The following LINGO1 variants were observed in gnomAD, a reference collection of about 807,000 sequenced individuals.
LINGO1 encodes leucine-rich repeat and immunoglobulin-like domain-containing nogo receptor-interacting protein 1.
Under a neutral mutation model 37.3 loss-of-function variants are expected in LINGO1, and 11 were observed. That is an observed-to-expected ratio of 0.29 (90% CI 0.19 to 0.49). The LOEUF (loss-of-function observed/expected upper bound fraction) is 0.49, where lower values mean the gene tolerates loss of function less well. Ranked by LOEUF, LINGO1 falls within the 20% of genes least tolerant of loss-of-function variation. The probability of loss-of-function intolerance (pLI) is 0.99; values close to 1 mark genes in which losing one functional copy is unlikely to be tolerated. For missense variants in LINGO1, 585 were observed against 878.2 expected, an observed-to-expected ratio of 0.67 and a Z score of 4.22; for synonymous variants, 387 against 403.0, an observed-to-expected ratio of 0.96 and a Z score of 0.48.
intron 2 of LINGO1, among the ~76,000 whole-genome samples, chr15:77,702,022 G>C (rs570216481): frequency 2.8e-4 from 42 of 152,324 alleles, no homozygotes; most frequent in Non-Finnish European, 5.9e-4. Flanking sequence ...GGCTAGTAGA[G>C]GGTGTCAGGG....
chr15:77,637,066 T>C (rs960660743), upstream of LINGO1, among the ~76,000 whole-genome samples: 4 of 152,076 alleles, frequency 2.6e-5, no homozygotes, highest in African/African-American at 9.7e-5. This position sits in a 1 kb window ranked among gnomAD's most constrained non-coding sequence, Gnocchi z 4.6. Context: ...CAGCTTCCCA[T>C]GTAAGCATGT....
chr15:77,693,119 C>G (rs1191807741), intron 1 of LINGO1, among the ~76,000 whole-genome samples: 4 of 152,214 alleles, frequency 2.6e-5, no homozygotes, highest in Admixed American at 6.5e-5. Context: ...ATATCATTAA[C>G]TGCTACTACA....
At chr15:77,641,416 C>T (rs575599105) in intron 3 of LINGO1, among the ~76,000 whole-genome samples, 27 of 152,312 alleles carry the variant, frequency 1.8e-4, no homozygotes, top group African/African-American at 6.0e-4. Flanking sequence ...GAGTAAATAT[C>T]AGCAGAGGCA....
intron 3 of LINGO1, among the ~76,000 whole-genome samples, chr15:77,670,924 G>A (rs2075236879): frequency 6.6e-6 from 1 of 152,180 alleles, no homozygotes; most frequent in Non-Finnish European, 1.5e-5. Context: ...ACCACCCCTA[G>A]CTCCTCCAGC....
Position 77,632,757 on chromosome 15 carries a change from C to T in LINGO1, c.-442G>A, listed in dbSNP as rs1480488351. Among the ~76,000 whole-genome samples the T allele has an allele frequency of 6.8e-6, 1 of 146,002 alleles. No individual in the cohort carries two copies. The highest frequency in any genetic ancestry group is 1.5e-5 in the Non-Finnish European group (1 of 65,752). On this transcript the variant is annotated 5_prime_UTR_variant, in exon 1 of 2. Coordinates refer to ENST00000355300, the MANE Select transcript of LINGO1 (RefSeq NM_032808.7). The surrounding 1 kb of genome is among the most constrained non-coding windows in gnomAD (Gnocchi z 6.0). ...CGGCGCCCCGCGTCGGGAGAGGGGC[C>T]GGAGCGGCGCGGGTGGGGACTCCGC... is the stretch of plus-strand genomic sequence containing the variant.
At chr15:77,680,377 C>G (rs2075394015) in intron 2 of LINGO1, among the ~76,000 whole-genome samples, 1 of 152,194 alleles carries the variant, frequency 6.6e-6, no homozygotes, top group Non-Finnish European at 1.5e-5. Context: ...CTACAAAATC[C>G]CCACTGCCCC....
chr15:77,693,458 T>C (rs547900897), intron 1 of LINGO1, among the ~76,000 whole-genome samples: 20 of 152,316 alleles, frequency 1.3e-4, no homozygotes, highest in Non-Finnish European at 2.5e-4. Flanking sequence ...AGCGGCCATA[T>C]TGGAATTTAT....
intron 1 of LINGO1, among the ~76,000 whole-genome samples, chr15:77,693,366 A>G (rs1567526968): frequency 1.3e-5 from 2 of 152,238 alleles, no homozygotes; most frequent in Non-Finnish European, 2.9e-5. Context: ...TAATGATCAT[A>G]AAACCTGGTA....
chr15:77,646,694 C>T (rs1395991523), intron 3 of LINGO1, among the ~76,000 whole-genome samples: 1 of 152,224 alleles, frequency 6.6e-6, no homozygotes, highest in Non-Finnish European at 1.5e-5. Flanking sequence ...CAACCTGGGG[C>T]TTCTCTGTCC....
chr15:77,699,581 C>T (rs2075746969), upstream of LINGO1, among the ~76,000 whole-genome samples: 1 of 125,904 alleles, frequency 7.9e-6, no homozygotes, highest in Non-Finnish European at 1.7e-5. Context: ...CACATACTAA[C>T]CATCCCCGCA....
chr15:77,777,752 T>C (rs1386978096), intron 1 of LINGO1, among the ~76,000 whole-genome samples: 2 of 151,932 alleles, frequency 1.3e-5, no homozygotes, highest in Admixed American at 6.6e-5. Context: ...TTAGACCCCA[T>C]CTCTCCAAAA....
At chr15:77,721,814 G>C (rs182009518) in intron 2 of LINGO1, among the ~76,000 whole-genome samples, 50 of 152,038 alleles carry the variant, frequency 3.3e-4, no homozygotes, top group Admixed American at 7.2e-4. Flanking sequence ...CTCCCACCCC[G>C]GGCCTCAGCT....
chr15:77,706,078 C>T (rs1309441680), intron 2 of LINGO1, among the ~76,000 whole-genome samples: 1 of 152,174 alleles, frequency 6.6e-6, no homozygotes, highest in African/African-American at 2.4e-5. Flanking sequence ...ACATATAAAT[C>T]CCATTGTTGT....
At chr15:77,675,924 C>T (rs572551743) in intron 3 of LINGO1, among the ~76,000 whole-genome samples, 1 of 152,176 alleles carries the variant, frequency 6.6e-6, no homozygotes, top group Non-Finnish European at 1.5e-5. Flanking sequence ...GGGTTCCAAG[C>T]TCATGAAGCA....
At chr15:77,732,683 C>T (rs988371344) in intron 2 of LINGO1, among the ~76,000 whole-genome samples, 1 of 152,244 alleles carries the variant, frequency 6.6e-6, no homozygotes, top group African/African-American at 2.4e-5. Context: ...AGGCTGGCCA[C>T]AGCCCACGCC....
At chr15:77,789,822 TTCACCCAGGC>T (rs2076804402), upstream of LINGO1, among the ~76,000 whole-genome samples, 1 of 151,978 alleles carries the variant, frequency 6.6e-6, no homozygotes, top group Non-Finnish European at 1.5e-5. Context: ...GGAATTGCTC[TTCACCCAGGC>T]TGGAGTACAG....
At position 77,801,204 on chromosome 15, in the gene LINGO1, A is replaced by T. The variant is rs12595817; in HGVS notation, c.-457-5151T>A. ...TAATAGCACAAGCATTCATGTATAC[A>T]TGCTCAAGGATGCTCACGGAAACAT... On this transcript the variant is annotated intron_variant, in intron 1 of 5. Transcript: ENST00000562933. 4.6e-5 allele frequency among the ~76,000 whole-genome samples: 7 copies of T among 152,358 alleles called. No individual in the cohort carries two copies. In the East Asian group the frequency reaches 1.3e-3, roughly 29 times the overall value.
intron 2 of LINGO1, chr15:77,690,578 T>A (rs184345972): frequency 6.6e-6 from 1 of 152,362 alleles, no homozygotes; most frequent in Admixed American, 6.5e-5. Context: ...GGGTTTGTTT[T>A]AGTTTTTGTA....
At chr15:77,616,542 G>A (rs1284871602) in intron 1 of LINGO1, among the ~76,000 whole-genome samples, 1 of 152,164 alleles carries the variant, frequency 6.6e-6, no homozygotes, top group Non-Finnish European at 1.5e-5. Flanking sequence ...CACTGTTCAC[G>A]GGTCTGTCAC....
Sources: allele counts gnomAD v4.1 joint callset (sites outside exome capture counted in the v4.1 genomes callset), GRCh38; gene constraint gnomAD v4.1.1; non-coding constraint Gnocchi (gnomAD v3.1); transcripts MANE v1.5; gene names NCBI Gene and HGNC (gene_info 2026-07-23, HGNC 2026-07-21).